Variants in SHE observed in about 807,000 individuals in gnomAD.
SHE encodes SH2 domain-containing adapter protein E.
Under a neutral mutation model 49.8 loss-of-function variants are expected in SHE, and 11 were observed. The observed-to-expected ratio is 0.22, with a 90% CI of 0.14 to 0.37. The LOEUF (loss-of-function observed/expected upper bound fraction) is 0.37. SHE is among the 10% of genes least tolerant of loss of function. The pLI is 1.00. For missense variants in SHE, 624 were observed against 655.5 expected (o/e 0.95, Z 0.52); for synonymous variants, 310 against 278.1 (o/e 1.11, Z -1.14).
rs1404804800 is a variant in SHE at position 154,479,684 on chromosome 1, T to A, written c.*4465A>T. ...AAAGTTGAAACTATGTATTAGTTGA[T>A]ATCTAAAATATTAAAGCCCCTGACA... On this transcript the variant is annotated 3_prime_UTR_variant, in exon 6 of 6. Coordinates refer to ENST00000304760, the MANE Select transcript of SHE (RefSeq NM_001010846.3). The A allele has an allele frequency of 1.0e-6, 1 of 980,824 alleles. No individual in the cohort carries two copies. Among genetic ancestry groups the A allele is most frequent in the Non-Finnish European group, 1.2e-6 (1 of 825,858 alleles). The allele number at this position is 980,824 out of a possible 1,614,324, so 60.8% of individuals were successfully genotyped here. A position where few individuals can be genotyped will look rare whatever the true frequency, so the allele number is the denominator to read the frequency against.
intron 5 of SHE, chr1:154,484,585 T>G: frequency 7.5e-6 from 3 of 397,680 alleles, no homozygotes; most frequent in Non-Finnish European, 1.4e-5. Flanking sequence ...AGAAAACAAT[T>G]AAAAAGAATG....
chr1:154,489,142 G>A lies in SHE; in HGVS notation c.933C>T (p.Asp311=), dbSNP rs1475066977. The change falls in exon 3 of 6, where the codon GAC becomes GAT. Residue 311 remains aspartate (D), a synonymous_variant. Coordinates refer to ENST00000304760, the MANE Select transcript of SHE (RefSeq NM_001010846.3). ...TCTCGTCGTTCTCGGGCAGCCGGCT[G>A]TCTGGGGGCCGCGCCTTCCCCTCTG... ...PRAEGKARPP[D]SRLPENDERP... is the part of the protein sequence containing the mutation. 6.2e-7 allele frequency: 1 copy of A among 1,614,050 alleles called. No homozygotes were observed. Among genetic ancestry groups the A allele is most frequent in the Admixed American group, 1.7e-5 (1 of 60,004 alleles).
intron 2 of SHE, among the ~76,000 whole-genome samples, chr1:154,492,290 G>C (rs902005681): frequency 6.6e-6 from 1 of 152,178 alleles, no homozygotes; most frequent in African/African-American, 2.4e-5. Context: ...CTGGGGTACA[G>C]TGTGGGAGTC....
In SHE at chr1:154,486,580, C is replaced by T. The variant is rs368097668; in HGVS notation, c.1128G>A (p.Ser376=). ...CCACTTTCTCTCCCTCACTGTGGTCCGAGAGGGCTGGCTTCAGGATCTTCT... is the reference window on the plus strand; with the variant it reads ...CCACTTTCTCTCCCTCACTGTGGTCTGAGAGGGCTGGCTTCAGGATCTTCT... ...WTQKILKPAL[S]DHSEGEKVDP... Residue 376 remains serine (S), a synonymous_variant, in exon 4 of 6, where the codon TCG becomes TCA. Transcript: ENST00000304760. 1.2e-5 allele frequency: 19 copies of T among 1,614,150 alleles called. No individual in the cohort carries two copies. In the African/African-American group the frequency reaches 1.3e-4, roughly 11 times the overall value.
intron 2 of SHE, among the ~76,000 whole-genome samples, chr1:154,497,561 G>C (rs1389250124): frequency 2.0e-5 from 3 of 152,238 alleles, no homozygotes; most frequent in African/African-American, 7.2e-5. Flanking sequence ...CACTAAGAAT[G>C]ACAGAGTGAC....
At chr1:154,478,144 C>T (rs577036067), downstream of SHE, among the ~76,000 whole-genome samples, 4 of 152,192 alleles carry the variant, frequency 2.6e-5, no homozygotes, top group South Asian at 4.1e-4. Context: ...GTATTGCCAG[C>T]GTCAGTTATG....
chr1:154,483,573 A>G lies in SHE; in HGVS notation c.*576T>C. ...CTGACTTAACCTTCCTGAGGGTCAC[A>G]CCATAAAAAGAACACCCTACCCCAG... On this transcript the variant is annotated 3_prime_UTR_variant, in exon 6 of 6. Coordinates refer to ENST00000304760, the MANE Select transcript of SHE (RefSeq NM_001010846.3). The G allele has an allele frequency of 2.0e-6, 2 of 985,624 alleles. No homozygotes were observed. Among genetic ancestry groups the G allele is most frequent in the Middle Eastern group, 5.2e-4 (1 of 1,914 alleles). The allele number at this position is 985,624 out of a possible 1,614,324, so 61.1% of individuals were successfully genotyped here.
chr1:154,477,017 G>C (rs536918164), downstream of SHE, among the ~76,000 whole-genome samples: 9 of 152,300 alleles, frequency 5.9e-5, no homozygotes, highest in Non-Finnish European at 1.0e-4. Flanking sequence ...GCCTCACACT[G>C]AATCTCCTCA....
chr1:154,483,654 A>C lies in SHE; in HGVS notation c.*495T>G. ...TTATTGTAGAACTACTTAGCAAGGAAACAAGGGACAGGCCACAAACAAAGT... is the reference window on the plus strand; with the variant it reads ...TTATTGTAGAACTACTTAGCAAGGACACAAGGGACAGGCCACAAACAAAGT... On this transcript the variant is annotated 3_prime_UTR_variant, in exon 6 of 6. Coordinates refer to ENST00000304760, the MANE Select transcript of SHE (RefSeq NM_001010846.3). 1 of 986,908 alleles carries C rather than the reference A, an allele frequency of 1.0e-6. No homozygotes were observed. Among genetic ancestry groups the C allele is most frequent in the Non-Finnish European group, 1.2e-6 (1 of 830,982 alleles). The allele number at this position is 986,908 out of a possible 1,614,324, so 61.1% of individuals were successfully genotyped here. A position where few individuals can be genotyped will look rare whatever the true frequency, so the allele number is the denominator to read the frequency against.
chr1:154,476,796 T>G (rs1395932523), downstream of SHE, among the ~76,000 whole-genome samples: 1 of 152,250 alleles, frequency 6.6e-6, no homozygotes, highest in African/African-American at 2.4e-5. Flanking sequence ...TTGGCTTTTA[T>G]GTGCTCATCA....
At chr1:154,477,170 G>A (rs902394305), downstream of SHE, among the ~76,000 whole-genome samples, 12 of 152,188 alleles carry the variant, frequency 7.9e-5, no homozygotes, top group Admixed American at 3.9e-4. Flanking sequence ...TCCTGGAGGT[G>A]GAGATGGATA....
Position 154,483,841 on chromosome 1 carries a change from A to C in SHE, c.*308T>G. The C allele has an allele frequency of 1.1e-6, 1 of 887,128 alleles. No homozygotes were observed. Among genetic ancestry groups the C allele is most frequent in the South Asian group, 4.3e-5 (1 of 23,038 alleles). The allele number at this position is 887,128 out of a possible 1,614,324, so 55.0% of individuals were successfully genotyped here. A position where few individuals can be genotyped will look rare whatever the true frequency, so the allele number is the denominator to read the frequency against. Reference sequence around the variant, plus strand: ...ACCCCATCTCTACTAAAAATACAAAAAAAAAAATTAGCTGGGAGTGGTGGT... The same window carrying C: ...ACCCCATCTCTACTAAAAATACAAACAAAAAAATTAGCTGGGAGTGGTGGT... On this transcript the variant is annotated 3_prime_UTR_variant, in exon 6 of 6. Coordinates refer to ENST00000304760, the MANE Select transcript of SHE (RefSeq NM_001010846.3).
intron 1 of SHE, among the ~76,000 whole-genome samples, chr1:154,472,383 T>C (rs116065181): frequency 1.4e-4 from 21 of 152,322 alleles, no homozygotes; most frequent in African/African-American, 4.6e-4. Context: ...TAGAACCCCA[T>C]TCCTGGCTTC....
At chr1:154,474,615 C>T (rs1265057777), downstream of SHE, among the ~76,000 whole-genome samples, 1 of 152,176 alleles carries the variant, frequency 6.6e-6, no homozygotes, top group Non-Finnish European at 1.5e-5. Flanking sequence ...AGCGATTCTC[C>T]TGCCTCAGCC....
In SHE at chr1:154,483,438, G is replaced by A. The variant is rs903837404; in HGVS notation, c.*711C>T. ...CCAATATAACATCCTCTTCCAGTCT[G>A]CACCATCATGTGGAAAAGCCACGTG... is the stretch of plus-strand genomic sequence containing the variant. On this transcript the variant is annotated 3_prime_UTR_variant, in exon 6 of 6. Transcript: ENST00000304760. The A allele has an allele frequency of 3.2e-5, 32 of 985,340 alleles. No individual in the cohort carries two copies. In the African/African-American group the frequency reaches 4.5e-4, roughly 14 times the overall value. 61.0% of individuals were successfully genotyped at this position (985,340 alleles called of 1,614,324 possible).
At chr1:154,494,287 CAAATT>C (rs1294762229) in intron 2 of SHE, among the ~76,000 whole-genome samples, 4 of 150,448 alleles carry the variant, frequency 2.7e-5, no homozygotes, top group East Asian at 1.9e-4. Flanking sequence ...AGAATAAAGA[CAAATT>C]AAATCAAAAC....
At chr1:154,497,306 T>C (rs1369496187) in intron 2 of SHE, among the ~76,000 whole-genome samples, 1 of 152,224 alleles carries the variant, frequency 6.6e-6, no homozygotes, top group African/African-American at 2.4e-5. Flanking sequence ...CTTCAATCTG[T>C]TCTAAACAGA....
rs1215111681 is a variant in SHE, at chr1:154,501,952, C to A, written c.75G>T (p.Pro25=). The change falls in exon 1 of 6, where the codon CCG becomes CCT. Residue 25 remains proline, a synonymous_variant. Transcript: ENST00000304760. ...WASSLACSTA[P]TLLGRAGRGP... ...CCCGGCCGGCTCGGCCCAGGAGCGT[C>A]GGGGCCGTGGAGCAGGCGAGCGAGG... 1.4e-6 allele frequency: 2 copies of A among 1,446,086 alleles called. No individual in the cohort carries two copies. Among genetic ancestry groups the A allele is most frequent in the African/African-American group, 3.0e-5 (2 of 66,832 alleles). The allele number at this position is 1,446,086 out of a possible 1,614,324, so 89.6% of individuals were successfully genotyped here.
chr1:154,487,535 G>A (rs996167258), intron 3 of SHE, among the ~76,000 whole-genome samples: 4 of 151,788 alleles, frequency 2.6e-5, no homozygotes, highest in African/African-American at 4.8e-5. Context: ...GCAGGTACCC[G>A]AGATGACAAC....
Sources: gnomAD v4.1 joint callset for allele counts (sites outside exome capture counted in the v4.1 genomes callset) on GRCh38, gnomAD v4.1.1 for gene constraint, MANE v1.5 for transcripts, NCBI Gene and HGNC (gene_info 2026-07-23, HGNC 2026-07-21) for gene names.